Variants in EPC2 observed in about 807,000 individuals in gnomAD.
EPC2 encodes the protein enhancer of polycomb homolog 2.
EPC2 carries 14 observed loss-of-function variants against 92.1 expected under a neutral mutation model. That is an observed-to-expected ratio of 0.15 (90% CI 0.10 to 0.24). EPC2 has a LOEUF of 0.24. Among genes scored for constraint, EPC2 ranks in the 10% least tolerant of loss-of-function variants. EPC2 has a pLI of 1.00. For missense variants in EPC2, 755 were observed against 971.5 expected (o/e 0.78, Z 2.96); for synonymous variants, 340 against 334.7 (o/e 1.02, Z -0.17).
Position 148,780,244 on chromosome 2 carries a change from A to C in EPC2, c.1721-1400A>C, listed in dbSNP as rs1267299716. Among the ~76,000 whole-genome samples, 3 of 152,160 alleles carry C rather than the reference A, an allele frequency of 2.0e-5. No homozygotes were observed. The East Asian group carries it at 5.8e-4, about 29-fold the overall frequency. ...TGAGTCTTTTAAAAATAAAGTTGCT[A>C]TCTAAGAACTGTTTTCCCCTTATAG... On this transcript the variant is annotated intron_variant, in intron 10 of 13. Coordinates refer to ENST00000258484, the MANE Select transcript of EPC2 (RefSeq NM_015630.4).
chr2:148,648,320 G>T (rs1325994831), intron 1 of EPC2, among the ~76,000 whole-genome samples: 1 of 152,088 alleles, frequency 6.6e-6, no homozygotes, highest in African/African-American at 2.4e-5. Context: ...TGGTCTTACA[G>T]GACTTCTGTT....
At chr2:148,711,248 C>T (rs1308182521) in intron 2 of EPC2, among the ~76,000 whole-genome samples, 1 of 151,924 alleles carries the variant, frequency 6.6e-6, no homozygotes, top group Non-Finnish European at 1.5e-5. Context: ...TTTTCTCTGT[C>T]CCACAAATTT....
chr2:148,785,345 C>T (rs539192877), intron 13 of EPC2, among the ~76,000 whole-genome samples: 6 of 152,050 alleles, frequency 3.9e-5, no homozygotes, highest in Non-Finnish European at 5.9e-5. Flanking sequence ...GCCCCACCCC[C>T]GAGATGGAGT....
intron 1 of EPC2, among the ~76,000 whole-genome samples, chr2:148,658,607 G>GTGTGTATATATA (rs1168257662): frequency 1.4e-5 from 2 of 141,320 alleles, no homozygotes; most frequent in South Asian, 4.7e-4. Context: ...GTGTGTGTGT[G>GTGTGTATATATA]TATATATATA....
intron 1 of EPC2, among the ~76,000 whole-genome samples, chr2:148,660,996 G>A (rs1223651303): frequency 6.6e-6 from 1 of 151,848 alleles, no homozygotes; most frequent in Non-Finnish European, 1.5e-5. Flanking sequence ...ATCTGGTAGA[G>A]CTAGTCACTT....
intron 3 of EPC2, among the ~76,000 whole-genome samples, chr2:148,752,504 G>C (rs1420945188): frequency 3.3e-5 from 5 of 152,150 alleles, no homozygotes; most frequent in Non-Finnish European, 7.4e-5. Flanking sequence ...TTATTTTCCA[G>C]ACTCTGGCTA....
At chr2:148,685,109 C>T (rs1044814981) in intron 1 of EPC2, among the ~76,000 whole-genome samples, 5 of 151,916 alleles carry the variant, frequency 3.3e-5, no homozygotes, top group Non-Finnish European at 7.4e-5. Context: ...GCAGGAGTTT[C>T]TTATATATTC....
intron 10 of EPC2, 97 bp from the exon 11 acceptor site, chr2:148,781,547 T>C: frequency 8.8e-7 from 1 of 1,141,994 alleles, no homozygotes; most frequent in Non-Finnish European, 1.2e-6. Context: ...GTAATTGCTT[T>C]CATCTTAATT....
intron 1 of EPC2, chr2:148,645,629 C>G (rs1239944228): frequency 6.5e-6 from 1 of 155,026 alleles, no homozygotes; most frequent in Non-Finnish European, 1.4e-5. Context: ...AGGGTGCTTT[C>G]AAAACAAACA....
chr2:148,752,595 A>T (rs1275646143), intron 3 of EPC2, among the ~76,000 whole-genome samples: 3 of 152,194 alleles, frequency 2.0e-5, no homozygotes, highest in Admixed American at 6.5e-5. Flanking sequence ...TAGAATGGCC[A>T]CTTAGTATTT....
intron 1 of EPC2, among the ~76,000 whole-genome samples, chr2:148,647,125 A>T (rs1311963022): frequency 1.3e-5 from 2 of 152,092 alleles, no homozygotes; most frequent in Admixed American, 6.5e-5. Flanking sequence ...ACAACAAAAA[A>T]AAGGAAATCT....
intron 1 of EPC2, among the ~76,000 whole-genome samples, chr2:148,652,234 G>T (rs1680702952): frequency 6.6e-6 from 1 of 152,028 alleles, no homozygotes. Context: ...TGCTACCGAT[G>T]GTAATATAGC....
chr2:148,645,532 C>G (rs537798381), intron 1 of EPC2: 1 of 221,652 alleles, frequency 4.5e-6, no homozygotes, highest in East Asian at 1.3e-4. Context: ...TAATTAATGG[C>G]GTGGTATTAT....
At chr2:148,659,701 C>G (rs890333099) in intron 1 of EPC2, among the ~76,000 whole-genome samples, 1 of 152,008 alleles carries the variant, frequency 6.6e-6, no homozygotes, top group African/African-American at 2.4e-5. Flanking sequence ...GCCCAGGCAA[C>G]ATAGCAAGTT....
rs1311766737 is a variant in EPC2, at chr2:148,645,132, C to A, written c.115C>A (p.Pro39Thr). The change falls in exon 1 of 14, where the codon CCC (proline) becomes ACC (threonine). Residue 39 changes from proline to threonine, a missense_variant. Physicochemically the swap from Pro to Thr is conservative, Grantham distance 38 (BLOSUM62 -1). Coordinates refer to ENST00000258484, the MANE Select transcript of EPC2 (RefSeq NM_015630.4). ...NDCVSINRAVPQMPTGMEKEE... is the reference protein window; with the variant it reads ...NDCVSINRAVTQMPTGMEKEE... Reference sequence around the variant, plus strand: ...CTGCGTCTCCATCAACCGGGCCGTGCCCCAGATGCCCACCGGGATGGAGAA... The same window carrying A: ...CTGCGTCTCCATCAACCGGGCCGTGACCCAGATGCCCACCGGGATGGAGAA... 6.2e-7 allele frequency: 1 copy of A among 1,609,900 alleles called. No individual in the cohort carries two copies. The highest frequency in any genetic ancestry group is 8.5e-7 in the Non-Finnish European group (1 of 1,178,204).
chr2:148,693,687 A>C lies in EPC2; in HGVS notation c.313+3314A>C, dbSNP rs1002187596. ...TAGTCTCAGTACACTTTTCCTTCCTAATTTCTTTAACCCATCATGCTTCAA... is the reference window on the plus strand; with the variant it reads ...TAGTCTCAGTACACTTTTCCTTCCTCATTTCTTTAACCCATCATGCTTCAA... On this transcript the variant is annotated intron_variant, in intron 2 of 13. Coordinates refer to ENST00000258484, the MANE Select transcript of EPC2 (RefSeq NM_015630.4). 2.0e-5 allele frequency among the ~76,000 whole-genome samples: 3 copies of C among 151,664 alleles called. No individual in the cohort carries two copies. The East Asian group carries it at 5.8e-4, about 29-fold the overall frequency.
chr2:148,677,848 G>T (rs1033112100), intron 1 of EPC2, among the ~76,000 whole-genome samples: 3 of 152,048 alleles, frequency 2.0e-5, no homozygotes, highest in African/African-American at 7.2e-5. Context: ...TTGTGGTCTC[G>T]CTGGCTTCAG....
intron 1 of EPC2, among the ~76,000 whole-genome samples, chr2:148,671,507 G>A (rs1439956339): frequency 1.3e-4 from 20 of 152,144 alleles, no homozygotes; most frequent in Non-Finnish European, 2.9e-5. Flanking sequence ...CCAGCTGCTC[G>A]GGAGGCTGAG....
At chr2:148,692,020 A>T (rs1273309880) in intron 2 of EPC2, 4 of 342,996 alleles carry the variant, frequency 1.2e-5, no homozygotes, top group Non-Finnish European at 2.3e-5. Flanking sequence ...ATTCTCTAGT[A>T]TGAATATTAG....
Sources: allele counts gnomAD v4.1 joint callset (sites outside exome capture counted in the v4.1 genomes callset), GRCh38; gene constraint gnomAD v4.1.1; transcripts MANE v1.5; gene names NCBI Gene and HGNC (gene_info 2026-07-23, HGNC 2026-07-21).